The following NEK10 variants were observed in gnomAD, a reference collection of about 807,000 sequenced individuals.
NEK10 encodes serine/threonine-protein kinase Nek10.
Under a neutral mutation model 159.8 loss-of-function variants are expected in NEK10, and 122 were observed. The observed-to-expected ratio is 0.76, with a 90% CI of 0.66 to 0.89. The LOEUF (loss-of-function observed/expected upper bound fraction) is 0.89. Ranked by LOEUF, NEK10 falls within the 40% of genes least tolerant of loss-of-function variation. NEK10 has a pLI of 0.00. For missense variants in NEK10, 1,342 were observed against 1,323.1 expected (o/e 1.01, Z -0.22); for synonymous variants, 466 against 457.1 (o/e 1.02, Z -0.25).
chr3:27,297,779 C>T (rs1005035674), intron 13 of NEK10, among the ~76,000 whole-genome samples: 1 of 152,112 alleles, frequency 6.6e-6, no homozygotes, highest in African/African-American at 2.4e-5. Context: ...ACGTTAAATC[C>T]CCAGCCCTAA....
chr3:27,307,450 A>C (rs2044329618), intron 11 of NEK10, among the ~76,000 whole-genome samples: 2 of 152,210 alleles, frequency 1.3e-5, no homozygotes, highest in African/African-American at 4.8e-5. Context: ...TCACAAAACA[A>C]GTCAGTTGCT....
intron 11 of NEK10, among the ~76,000 whole-genome samples, chr3:27,305,465 A>C (rs2044165775): frequency 1.3e-5 from 2 of 152,062 alleles, no homozygotes; most frequent in East Asian, 3.9e-4. Context: ...CAGAGGTTGC[A>C]GTGAGCCGAG....
intron 31 of NEK10, among the ~76,000 whole-genome samples, chr3:27,138,753 G>T (rs1055630937): frequency 2.6e-5 from 4 of 152,158 alleles, no homozygotes; most frequent in African/African-American, 9.7e-5. Flanking sequence ...TTGTTCCTTT[G>T]CTTGTTGCCA....
chr3:27,297,813 C>T (rs1476466240), intron 13 of NEK10, among the ~76,000 whole-genome samples: 1 of 152,200 alleles, frequency 6.6e-6, no homozygotes, highest in East Asian at 1.9e-4. Flanking sequence ...TGCCTCCTGA[C>T]AGCCACTGTG....
chr3:27,238,479 C>T (rs1035622627), intron 23 of NEK10, among the ~76,000 whole-genome samples: 1 of 152,058 alleles, frequency 6.6e-6, no homozygotes, highest in African/African-American at 2.4e-5. Flanking sequence ...CTTTAATCAA[C>T]AAATTATAAA....
In NEK10 at chr3:27,116,255, C is replaced by A. The variant is rs895325431; in HGVS notation, c.3191-128G>T. ...TTCTTAATGATAAAGATGGAACAAG[C>A]AAATTCCAAAGCATCTGCCTTGGCT... is the stretch of plus-strand genomic sequence containing the variant. On this transcript the variant is annotated intron_variant, in intron 33 of 35. Coordinates refer to ENST00000691995, the MANE Select transcript of NEK10 (RefSeq NM_001394966.1). The A allele has an allele frequency of 4.2e-5, 33 of 789,438 alleles. No individual in the cohort carries two copies. In the Admixed American group the frequency reaches 7.5e-4, roughly 18 times the overall value. The allele number at this position is 789,438 out of a possible 1,614,324, so 48.9% of individuals were successfully genotyped here.
Position 27,293,671 on chromosome 3 carries a change from T to C in NEK10, c.1309-19A>G, listed in dbSNP as rs2149500775. 1 of 1,376,152 alleles carries C rather than the reference T, an allele frequency of 7.3e-7. No individual in the cohort carries two copies. Among genetic ancestry groups the C allele is most frequent in the Non-Finnish European group, 1.0e-6 (1 of 980,254 alleles). 85.2% of individuals were successfully genotyped at this position (1,376,152 alleles called of 1,614,324 possible). A position where few individuals can be genotyped will look rare whatever the true frequency, so the allele number is the denominator to read the frequency against. ...CATAACACTAGAAAACAAAAGGATATGTGATTCTCAAATGGTAGCTCAACA... is the reference window on the plus strand; with the variant it reads ...CATAACACTAGAAAACAAAAGGATACGTGATTCTCAAATGGTAGCTCAACA... On this transcript the variant is annotated intron_variant, in intron 15 of 35. Coordinates refer to ENST00000691995, the MANE Select transcript of NEK10 (RefSeq NM_001394966.1).
At chr3:27,293,742 C>T (rs1056227387) in intron 15 of NEK10, 90 bp from the exon 16 acceptor site, 75 of 699,446 alleles carry the variant, frequency 1.1e-4, no homozygotes, top group African/African-American at 7.3e-4. Flanking sequence ...TAAACATTAA[C>T]GTGACTTTAT....
chr3:27,128,298 G>C (rs1942207668), intron 32 of NEK10, among the ~76,000 whole-genome samples: 1 of 152,150 alleles, frequency 6.6e-6, no homozygotes, highest in South Asian at 2.1e-4. Flanking sequence ...GTAGATTCAA[G>C]CTTTTAGCAA....
intron 23 of NEK10, among the ~76,000 whole-genome samples, chr3:27,248,748 T>A (rs569428241): frequency 6.6e-6 from 1 of 152,232 alleles, no homozygotes; most frequent in African/African-American, 2.4e-5. Context: ...TTTTTTTAAA[T>A]GTTTTAAGAC....
At chr3:27,130,975 A>C (rs78448555) in intron 32 of NEK10, among the ~76,000 whole-genome samples, 1,981 of 152,222 alleles carry the variant, frequency 0.013, 21 homozygotes, top group African/African-American at 0.027. Flanking sequence ...GTATGTGCAG[A>C]TACCAGTGAT....
intron 13 of NEK10, among the ~76,000 whole-genome samples, chr3:27,298,440 C>T (rs1357113716): frequency 6.6e-6 from 1 of 152,166 alleles, no homozygotes; most frequent in Non-Finnish European, 1.5e-5. Context: ...ACTGTAAGTC[C>T]ATTAAACCCC....
At chr3:27,201,152 T>G (rs1295627081) in intron 25 of NEK10, among the ~76,000 whole-genome samples, 1 of 152,220 alleles carries the variant, frequency 6.6e-6, no homozygotes, top group Admixed American at 6.5e-5. Flanking sequence ...GTTTCATGTG[T>G]TCTTGTCTGG....
chr3:27,119,939 G>A (rs575217613), intron 32 of NEK10, 71 bp from the exon 33 acceptor site: 30 of 1,132,040 alleles, frequency 2.7e-5, no homozygotes, highest in Non-Finnish European at 3.8e-5. Flanking sequence ...CTCTGTGTGG[G>A]GTTTTTCATT....
intron 29 of NEK10, among the ~76,000 whole-genome samples, chr3:27,166,381 T>TG (rs1384291950): frequency 6.6e-6 from 1 of 152,056 alleles, no homozygotes; most frequent in Non-Finnish European, 1.5e-5. Flanking sequence ...CTATGTGTTT[T>TG]TTTGTTTGTT....
chr3:27,245,850 C>T (rs1444073909), intron 23 of NEK10, among the ~76,000 whole-genome samples: 2 of 152,128 alleles, frequency 1.3e-5, no homozygotes, highest in Admixed American at 6.5e-5. Flanking sequence ...TAAAGTAACA[C>T]ATCTTATCAC....
chr3:27,277,684 C>T (rs1484061400), intron 22 of NEK10, among the ~76,000 whole-genome samples: 1 of 152,178 alleles, frequency 6.6e-6, no homozygotes, highest in Non-Finnish European at 1.5e-5. Flanking sequence ...CCCTAAGGCA[C>T]AGTTAGTCAC....
intron 23 of NEK10, among the ~76,000 whole-genome samples, chr3:27,223,600 GT>G (rs1293886142): frequency 1.3e-5 from 2 of 151,860 alleles, no homozygotes; most frequent in Non-Finnish European, 2.9e-5. Context: ...CTTTCTTCTA[GT>G]TTTTTTTCTT....
chr3:27,192,855 C>T (rs554170669), intron 25 of NEK10, among the ~76,000 whole-genome samples: 15 of 152,262 alleles, frequency 9.9e-5, no homozygotes, highest in African/African-American at 3.1e-4. Flanking sequence ...CTCTCCTGGT[C>T]CTGTATTTGC....
Sources: gnomAD v4.1 joint callset for allele counts (sites outside exome capture counted in the v4.1 genomes callset) on GRCh38, gnomAD v4.1.1 for gene constraint, MANE v1.5 for transcripts, NCBI Gene and HGNC (gene_info 2026-07-23, HGNC 2026-07-21) for gene names.